Variants in GPALPP1 observed in about 807,000 individuals in gnomAD.
The protein encoded by GPALPP1 is GPALPP motifs containing 1.
In GPALPP1, 30 loss-of-function variants were observed where a neutral mutation model predicts 38.9. The observed-to-expected ratio is 0.77, with a 90% CI of 0.58 to 1.05. GPALPP1 has a LOEUF of 1.05. Among genes scored for constraint, GPALPP1 ranks in the 50% least tolerant of loss-of-function variants. The pLI is 0.00. For missense variants in GPALPP1, 384 were observed against 408.8 expected (o/e 0.94, Z 0.52); for synonymous variants, 120 against 139.2 (o/e 0.86, Z 0.97).
At chr13:44,995,659 A>G (rs967163403) in intron 1 of GPALPP1, among the ~76,000 whole-genome samples, 3 of 152,202 alleles carry the variant, frequency 2.0e-5, no homozygotes, top group Admixed American at 1.3e-4. Flanking sequence ...GAAGCCCTTC[A>G]ATCCCAAGCA....
At position 45,028,525 on chromosome 13, in the gene GPALPP1, A is replaced by T. The variant is rs1876001366; in HGVS notation, c.*522A>T. 6.5e-6 allele frequency: 1 copy of T among 153,346 alleles called. No individual in the cohort carries two copies. The highest frequency in any genetic ancestry group is 6.5e-5 in the Admixed American group (1 of 15,288). The allele number at this position is 153,346 out of a possible 1,614,324, so 9.5% of individuals were successfully genotyped here. ...ACGCCTGTAATCCCAACACTTTGGG[A>T]GGCCAATGTGAGAGGATCGCTTGAG... On this transcript the variant is annotated 3_prime_UTR_variant, in exon 8 of 8. Coordinates refer to ENST00000379151, the MANE Select transcript of GPALPP1 (RefSeq NM_018559.5).
chr13:45,026,468 T>G (rs1418370396), intron 7 of GPALPP1, among the ~76,000 whole-genome samples: 1 of 152,184 alleles, frequency 6.6e-6, no homozygotes, highest in Non-Finnish European at 1.5e-5. Flanking sequence ...TAATGACCAT[T>G]CATATGACAC....
At chr13:44,994,758 G>GT (rs769928278) in intron 1 of GPALPP1, among the ~76,000 whole-genome samples, 2 of 152,130 alleles carry the variant, frequency 1.3e-5, no homozygotes, top group East Asian at 1.9e-4. Flanking sequence ...TTTATTCGTG[G>GT]TTTTTTGTTG....
downstream of GPALPP1, chr13:45,031,814 C>T (rs1346676802): frequency 6.6e-6 from 1 of 152,114 alleles, no homozygotes; most frequent in East Asian, 1.9e-4. Flanking sequence ...TGCAAAAGGC[C>T]TAATTGAATC....
At chr13:45,003,621 A>G (rs372804900) in intron 1 of GPALPP1, among the ~76,000 whole-genome samples, 2 of 152,200 alleles carry the variant, frequency 1.3e-5, no homozygotes, top group African/African-American at 4.8e-5. Flanking sequence ...TGACATCATG[A>G]CACTGCAGTG....
chr13:45,018,427 A>T (rs1875037116), intron 6 of GPALPP1, among the ~76,000 whole-genome samples: 1 of 152,058 alleles, frequency 6.6e-6, no homozygotes, highest in Non-Finnish European at 1.5e-5. Context: ...CTCTTTAGAA[A>T]GTAATGAAAA....
At chr13:45,004,470 A>C (rs767027727) in intron 2 of GPALPP1, 33 bp downstream of exon 2, 4 of 1,539,262 alleles carry the variant, frequency 2.6e-6, no homozygotes, top group Non-Finnish European at 3.6e-6. Context: ...ATGATAGACC[A>C]AACTTCAGAG....
At chr13:44,992,674 C>T (rs1421454323) in intron 1 of GPALPP1, among the ~76,000 whole-genome samples, 1 of 152,134 alleles carries the variant, frequency 6.6e-6, no homozygotes, top group African/African-American at 2.4e-5. Context: ...TTTTTTGCCC[C>T]TGTAAGGGTA....
chr13:45,008,703 C>A, intron 3 of GPALPP1, 92 bp from the exon 4 acceptor site: 1 of 628,764 alleles, frequency 1.6e-6, no homozygotes, highest in Non-Finnish European at 2.8e-6. Flanking sequence ...CAACATTTGT[C>A]ACTATTTGGC....
At chr13:45,024,302 GTGTGTGTT>G (rs1221166125) in intron 7 of GPALPP1, among the ~76,000 whole-genome samples, 11 of 148,446 alleles carry the variant, frequency 7.4e-5, no homozygotes, top group African/African-American at 1.8e-4. Flanking sequence ...GTGTGTGTGT[GTGTGTGTT>G]TTGAGACTGA....
chr13:45,023,170 T>G (rs1020125781), intron 7 of GPALPP1, among the ~76,000 whole-genome samples: 1 of 152,186 alleles, frequency 6.6e-6, no homozygotes, highest in Non-Finnish European at 1.5e-5. Context: ...GATTAATCTC[T>G]TACATCAGCT....
At chr13:45,014,838 T>G in intron 4 of GPALPP1, 114 bp from the exon 5 acceptor site, 1 of 856,982 alleles carries the variant, frequency 1.2e-6, no homozygotes, top group Non-Finnish European at 1.7e-6. Flanking sequence ...ATACATTGTT[T>G]ACTTTTTTAT....
intron 6 of GPALPP1, among the ~76,000 whole-genome samples, chr13:45,017,860 A>G (rs533725673): frequency 6.6e-6 from 1 of 152,228 alleles, no homozygotes; most frequent in Non-Finnish European, 1.5e-5. Flanking sequence ...ATAATACTAC[A>G]TTACAGAATA....
chr13:45,021,753 A>G (rs1011741435), intron 7 of GPALPP1, among the ~76,000 whole-genome samples: 7 of 152,236 alleles, frequency 4.6e-5, no homozygotes, highest in African/African-American at 1.7e-4. Context: ...AATACAACAT[A>G]TCACAATGTG....
chr13:45,014,819 G>A lies in GPALPP1; in HGVS notation c.409-133G>A, dbSNP rs952948284. 4.2e-5 allele frequency: 28 copies of A among 665,036 alleles called. No individual in the cohort carries two copies. The Admixed American group carries it at 5.2e-4, about 12-fold the overall frequency. The allele number at this position is 665,036 out of a possible 1,614,324, so 41.2% of individuals were successfully genotyped here. On this transcript the variant is annotated intron_variant, in intron 4 of 7. Transcript: ENST00000379151. Reference sequence around the variant, plus strand: ...GAAAAAGTCCTCATGGTTCAGTGATGAGCCAGCAATACATTGTTTACTTTT... The same window carrying A: ...GAAAAAGTCCTCATGGTTCAGTGATAAGCCAGCAATACATTGTTTACTTTT...
Position 45,019,254 on chromosome 13 carries a change from T to G in GPALPP1, c.706-1076T>G, listed in dbSNP as rs147433778. 9.4e-4 allele frequency among the ~76,000 whole-genome samples: 142 copies of G among 151,434 alleles called. 1 individual carries two copies. Among genetic ancestry groups the G allele is most frequent in the Non-Finnish European group, 1.6e-3 (110 of 67,922 alleles). ...CCTTTGCCTTCCAGGTTCAAGCAAT[T>G]CTTGTGCCTCAGCCTCCTGAATAGC... On this transcript the variant is annotated intron_variant, in intron 6 of 7. Transcript: ENST00000379151.
chr13:45,024,262 CTGTG>C (rs34572145), intron 7 of GPALPP1, among the ~76,000 whole-genome samples: 1,757 of 24,140 alleles, frequency 0.073, 113 homozygotes, highest in Admixed American at 0.12. Flanking sequence ...CCCTAAAACT[CTGTG>C]TGTGTGTGTG....
Position 45,024,162 on chromosome 13 carries a change from T to TGTGTGTGC in GPALPP1, c.805-3616_805-3615insCGTGTGTG, listed in dbSNP as rs1466557255. 7.7e-3 allele frequency among the ~76,000 whole-genome samples: 154 copies of TGTGTGTGC among 20,032 alleles called. 4 individuals are homozygous for TGTGTGTGC. Among genetic ancestry groups the TGTGTGTGC allele is most frequent in the African/African-American group, 0.015 (142 of 9,712 alleles). The allele number at this position is 20,032 out of a possible 152,430, so 13.1% of individuals were successfully genotyped here. A position where few individuals can be genotyped will look rare whatever the true frequency, so the allele number is the denominator to read the frequency against. On this transcript the variant is annotated intron_variant, in intron 7 of 7. Transcript: ENST00000379151. ...CCCTAAAACTCTGTGTGTGTGTGTG[T>TGTGTGTGC]GTGTGTGTGTGTGTGTGTGTGTGTG...
chr13:44,995,507 A>T (rs968933651), intron 1 of GPALPP1, among the ~76,000 whole-genome samples: 18 of 152,332 alleles, frequency 1.2e-4, no homozygotes, highest in South Asian at 8.3e-4. Context: ...CTTCTAAAAA[A>T]AATCTTTCAA....
Sources: gnomAD v4.1 joint callset for allele counts (sites outside exome capture counted in the v4.1 genomes callset) on GRCh38, gnomAD v4.1.1 for gene constraint, MANE v1.5 for transcripts, NCBI Gene and HGNC (gene_info 2026-07-23, HGNC 2026-07-21) for gene names.